The following KLHL29 variants were observed in gnomAD, a reference collection of about 807,000 sequenced individuals.
KLHL29 encodes the protein kelch like family member 29, also known as kelch-like protein 29.
KLHL29 carries 21 observed loss-of-function variants against 80.4 expected under a neutral mutation model. The observed-to-expected ratio is 0.26, with a 90% CI of 0.19 to 0.38. The LOEUF is 0.38. Ranked by LOEUF, KLHL29 falls within the 10% of genes least tolerant of loss-of-function variation. KLHL29 has a pLI of 1.00. For missense variants in KLHL29, 867 were observed against 1,223.9 expected (o/e 0.71, Z 4.35); for synonymous variants, 511 against 526.8 (o/e 0.97, Z 0.41).
chr2:23,524,474 C>G lies in KLHL29; in HGVS notation c.-45-37678C>G, dbSNP rs545264953. The G allele has an allele frequency of 6.9e-5, 11 of 160,042 alleles. No individual in the cohort carries two copies. The South Asian group carries it at 1.6e-3, about 23-fold the overall frequency. The allele number at this position is 160,042 out of a possible 1,614,324, so 9.9% of individuals were successfully genotyped here. ...GTTCATGGCTCACGGGTGGGCGGCT[C>G]GCGCGTGCACTGGTGCCAGGGTGGC... is the stretch of plus-strand genomic sequence containing the variant. On this transcript the variant is annotated intron_variant, in intron 2 of 13. Coordinates refer to ENST00000486442, the MANE Select transcript of KLHL29 (RefSeq NM_052920.2).
chr2:23,443,634 A>G (rs182442540), intron 1 of KLHL29, among the ~76,000 whole-genome samples: 70 of 152,264 alleles, frequency 4.6e-4, no homozygotes, highest in Non-Finnish European at 9.8e-4. Context: ...CTGTAAATTG[A>G]AAGTTATATT....
At position 23,672,647 on chromosome 2, in the gene KLHL29, A is replaced by C. The variant is rs979300548; in HGVS notation, c.941-11752A>C. On this transcript the variant is annotated intron_variant, in intron 5 of 13. Transcript: ENST00000486442. Reference sequence around the variant, plus strand: ...ATCCAGCTCCTCACTGTGGGCACCTATGTCCACACTGAGCTGCGTGCTCCC... The same window carrying C: ...ATCCAGCTCCTCACTGTGGGCACCTCTGTCCACACTGAGCTGCGTGCTCCC... 2.6e-5 allele frequency: 4 copies of C among 151,962 alleles called. No individual in the cohort carries two copies. In the South Asian group the frequency reaches 6.3e-4, roughly 24 times the overall value. 9.4% of individuals were successfully genotyped at this position (151,962 alleles called of 1,614,324 possible). A position where few individuals can be genotyped will look rare whatever the true frequency, so the allele number is the denominator to read the frequency against.
intron 1 of KLHL29, among the ~76,000 whole-genome samples, chr2:23,427,949 C>T (rs966522497): frequency 6.6e-6 from 1 of 152,232 alleles, no homozygotes; most frequent in Non-Finnish European, 1.5e-5. Flanking sequence ...TATACCTGGG[C>T]GGCTCCCGTT....
intron 2 of KLHL29, among the ~76,000 whole-genome samples, chr2:23,486,235 A>T (rs1172364082): frequency 2.0e-5 from 3 of 152,036 alleles, no homozygotes; most frequent in Non-Finnish European, 2.9e-5. Context: ...GCAAGCACCT[A>T]TCACAGCCCC....
At chr2:23,688,277 A>T (rs937697651) in intron 6 of KLHL29, among the ~76,000 whole-genome samples, 1 of 152,222 alleles carries the variant, frequency 6.6e-6, no homozygotes, top group African/African-American at 2.4e-5. Context: ...CCAGGCGTTC[A>T]TTCATGGGCG....
intron 1 of KLHL29, among the ~76,000 whole-genome samples, chr2:23,446,164 T>C (rs1408094045): frequency 2.6e-5 from 4 of 152,102 alleles, no homozygotes; most frequent in Admixed American, 2.6e-4. Flanking sequence ...CTAGTACACA[T>C]AGAACTTCAT....
chr2:23,703,774 G>A lies in KLHL29; in HGVS notation c.2355G>A (p.Gly785=), dbSNP rs1346566062. 3 of 1,537,372 alleles carry A rather than the reference G, an allele frequency of 2.0e-6. No individual in the cohort carries two copies. Among genetic ancestry groups the A allele is most frequent in the East Asian group, 2.4e-5 (1 of 40,922 alleles). ...ATGGCTTCGTTTTCATCCTGGGCGG[G>A]GCTTATGCCAGAGCTACCACCATCT... ...TLNGFVFILG[G]AYARATTIYD... The change falls in exon 13 of 14, where the codon GGG becomes GGA. Residue 785 remains glycine (G), a synonymous_variant. Transcript: ENST00000486442.
Position 23,695,072 on chromosome 2 carries a change from C to T in KLHL29, c.1543-551C>T, listed in dbSNP as rs571262154. ...AGATTCAAGGGAGCCTGTAAAACCA[C>T]CTCAGTGCAGGGTGACAGTTTGAGG... On this transcript the variant is annotated intron_variant, in intron 8 of 13. Coordinates refer to ENST00000486442, the MANE Select transcript of KLHL29 (RefSeq NM_052920.2). This position sits in a 1 kb window ranked among gnomAD's most constrained non-coding sequence, Gnocchi z 7.6. Among the ~76,000 whole-genome samples, 1 of 152,232 alleles carries T rather than the reference C, an allele frequency of 6.6e-6. No homozygotes were observed. Among genetic ancestry groups the T allele is most frequent in the South Asian group, 2.1e-4 (1 of 4,824 alleles).
In KLHL29 at chr2:23,562,442, C is replaced by T; in HGVS notation, c.246C>T (p.Thr82=). ...CCACCGGCAGCAGCGAGGCCATCAC[C>T]AGCCTCGTGGCCAGCTCTGCGTCTG... ...PCTTGSSEAI[T]SLVASSASAV... is the part of the protein sequence containing the mutation. Residue 82 remains threonine, a synonymous_variant, in exon 3 of 14, where the codon ACC becomes ACT. Transcript: ENST00000486442. This position sits in a 1 kb window ranked among gnomAD's most constrained non-coding sequence, Gnocchi z 4.5. 1 of 1,536,932 alleles carries T rather than the reference C, an allele frequency of 6.5e-7. No individual in the cohort carries two copies. Among genetic ancestry groups the T allele is most frequent in the South Asian group, 1.2e-5 (1 of 84,040 alleles).
In KLHL29 at chr2:23,670,956, CT is replaced by C. The variant is rs1670713399; in HGVS notation, c.941-13442del. Among the ~76,000 whole-genome samples the C allele has an allele frequency of 9.4e-5, 2 of 21,358 alleles. 1 individual carries two copies. Among genetic ancestry groups the C allele is most frequent in the African/African-American group, 2.2e-4 (2 of 9,010 alleles). 14.0% of individuals were successfully genotyped at this position (21,358 alleles called of 152,430 possible). A position where few individuals can be genotyped will look rare whatever the true frequency, so the allele number is the denominator to read the frequency against. On this transcript the variant is annotated intron_variant, in intron 5 of 13. Transcript: ENST00000486442. ...TCTCTCTCTCTCTCTCTCTCTCTCT[CT>C]CTCTCTCTCTCTCTCTCTCTCTCCC...
At chr2:23,620,898 G>C (rs1473600917) in intron 3 of KLHL29, among the ~76,000 whole-genome samples, 3 of 152,240 alleles carry the variant, frequency 2.0e-5, no homozygotes, top group Non-Finnish European at 4.4e-5. Context: ...CATCCTGCTG[G>C]CTGGAGCGCT....
intron 2 of KLHL29, among the ~76,000 whole-genome samples, chr2:23,509,011 C>G (rs542893946): frequency 1.3e-5 from 2 of 152,200 alleles, no homozygotes; most frequent in Non-Finnish European, 2.9e-5. Context: ...AAAAATAGTA[C>G]CTATGTACCT....
intron 1 of KLHL29, among the ~76,000 whole-genome samples, chr2:23,421,792 C>T (rs1015746970): frequency 1.3e-5 from 2 of 149,438 alleles, no homozygotes; most frequent in Non-Finnish European, 3.0e-5. Context: ...GTTCATACAT[C>T]TGTGTGTGTG....
At chr2:23,537,652 C>T (rs1456088148) in intron 2 of KLHL29, among the ~76,000 whole-genome samples, 2 of 152,148 alleles carry the variant, frequency 1.3e-5, no homozygotes, top group Non-Finnish European at 2.9e-5. Flanking sequence ...TAGGAGGCCC[C>T]ATCTGGGTAT....
chr2:23,467,904 T>G (rs977248772), intron 1 of KLHL29, among the ~76,000 whole-genome samples: 3 of 151,646 alleles, frequency 2.0e-5, no homozygotes, highest in African/African-American at 7.3e-5. Context: ...CCCTCTTCAT[T>G]CATTTGTGCC....
At chr2:23,487,361 C>T (rs892061281) in intron 2 of KLHL29, among the ~76,000 whole-genome samples, 9 of 152,306 alleles carry the variant, frequency 5.9e-5, no homozygotes, top group African/African-American at 2.2e-4. Flanking sequence ...ACGTCTTCTG[C>T]ACATGCTACC....
At chr2:23,583,680 C>T (rs1668042461) in intron 3 of KLHL29, among the ~76,000 whole-genome samples, 2 of 152,148 alleles carry the variant, frequency 1.3e-5, no homozygotes. Context: ...CATTGGGACT[C>T]TTACGTAGCT....
At chr2:23,404,691 T>C (rs575554641) in intron 1 of KLHL29, among the ~76,000 whole-genome samples, 2 of 152,324 alleles carry the variant, frequency 1.3e-5, no homozygotes, top group South Asian at 2.1e-4. Flanking sequence ...TTGAGTTGTA[T>C]GTATGCTTCC....
chr2:23,454,230 C>CAG (rs1356230076), intron 1 of KLHL29, among the ~76,000 whole-genome samples: 1 of 152,090 alleles, frequency 6.6e-6, no homozygotes, highest in African/African-American at 2.4e-5. Flanking sequence ...CCTGACCCTC[C>CAG]CGCCCCGGCC....
Sources: gnomAD v4.1 joint callset for allele counts (sites outside exome capture counted in the v4.1 genomes callset) on GRCh38, gnomAD v4.1.1 for gene constraint, Gnocchi (gnomAD v3.1) non-coding constraint, MANE v1.5 for transcripts, NCBI Gene and HGNC (gene_info 2026-07-23, HGNC 2026-07-21) for gene names.